The following FSTL5 variants were observed in gnomAD, a reference collection of about 807,000 sequenced individuals.
FSTL5 encodes follistatin like 5.
A neutral mutation model predicts 89.1 loss-of-function variants in FSTL5; 62 were observed. The observed-to-expected ratio is 0.70, with a 90% confidence interval of 0.57 to 0.86. The LOEUF (loss-of-function observed/expected upper bound fraction) is 0.86. FSTL5 is among the 40% of genes least tolerant of loss of function. FSTL5 has a pLI of 0.00. For missense variants in FSTL5, 1,057 were observed against 1,001.6 expected, an observed-to-expected ratio of 1.06 and a Z score of -0.75; for synonymous variants, 383 against 346.2, an observed-to-expected ratio of 1.11 and a Z score of -1.18.
intron 3 of FSTL5, among the ~76,000 whole-genome samples, chr4:162,012,288 C>T (rs141729752): frequency 1.3e-3 from 197 of 152,256 alleles, no homozygotes; most frequent in African/African-American, 4.5e-3. Context: ...GAGGAACATG[C>T]TACCACAGAA....
intron 3 of FSTL5, among the ~76,000 whole-genome samples, chr4:161,971,853 T>C (rs983982985): frequency 2.6e-5 from 4 of 152,188 alleles, no homozygotes; most frequent in Non-Finnish European, 5.9e-5. Flanking sequence ...TTGTAGGGTA[T>C]TGAAATTATT....
chr4:162,006,775 T>C (rs529932926), intron 3 of FSTL5, among the ~76,000 whole-genome samples: 3 of 152,038 alleles, frequency 2.0e-5, no homozygotes, highest in Admixed American at 1.3e-4. Flanking sequence ...CTATTCAACA[T>C]CACGAAGAAA....
intron 4 of FSTL5, among the ~76,000 whole-genome samples, chr4:161,784,108 G>C (rs1443687011): frequency 6.6e-6 from 1 of 151,588 alleles, no homozygotes; most frequent in Non-Finnish European, 1.5e-5. Context: ...GCTAATTTTT[G>C]TCTTTTTAAT....
intron 4 of FSTL5, among the ~76,000 whole-genome samples, chr4:161,906,792 T>G (rs1733541747): frequency 6.6e-6 from 1 of 152,200 alleles, no homozygotes; most frequent in Non-Finnish European, 1.5e-5. Flanking sequence ...TATTTATTTT[T>G]TGTTCCTGTT....
intron 7 of FSTL5, among the ~76,000 whole-genome samples, chr4:161,602,236 T>TGAGAGAGAGGGAGAGAAAGAGAGAGA (rs1734271400): frequency 1.4e-4 from 8 of 57,528 alleles, no homozygotes; most frequent in Non-Finnish European, 2.8e-4. Flanking sequence ...AGTGAGAGAG[T>TGAGAGAGAGGGAGAGAAAGAGAGAGA]GAGAGAGAGG....
chr4:161,619,707 G>A (rs565855180), intron 7 of FSTL5, among the ~76,000 whole-genome samples: 1 of 152,190 alleles, frequency 6.6e-6, no homozygotes, highest in African/African-American at 2.4e-5. Flanking sequence ...TGGAGAGGAT[G>A]TGGAGAAATA....
At chr4:161,721,722 C>T (rs1739225738) in intron 6 of FSTL5, among the ~76,000 whole-genome samples, 1 of 152,036 alleles carries the variant, frequency 6.6e-6, no homozygotes, top group African/African-American at 2.4e-5. Flanking sequence ...AGTCACACTG[C>T]GTCAGAAAAA....
intron 3 of FSTL5, among the ~76,000 whole-genome samples, chr4:161,969,239 G>T (rs975928319): frequency 6.6e-6 from 1 of 151,898 alleles, no homozygotes; most frequent in Admixed American, 6.6e-5. Context: ...AGACAAGTAC[G>T]TTTAATTCAT....
chr4:161,655,809 T>A (rs1736495262), intron 7 of FSTL5, among the ~76,000 whole-genome samples: 1 of 152,144 alleles, frequency 6.6e-6, no homozygotes, highest in African/African-American at 2.4e-5. Context: ...ATATAAATAT[T>A]ATATTTTCAT....
chr4:161,726,221 C>CTTTTTTTT (rs1260115105), intron 6 of FSTL5, among the ~76,000 whole-genome samples: 1 of 69,234 alleles, frequency 1.4e-5, no homozygotes, highest in African/African-American at 4.1e-5. Context: ...TTTCTTTTTT[C>CTTTTTTTT]TTTTTCTTTT....
chr4:161,879,798 G>A (rs1391666789), intron 4 of FSTL5, among the ~76,000 whole-genome samples: 5 of 152,064 alleles, frequency 3.3e-5, no homozygotes, highest in Non-Finnish European at 7.4e-5. Flanking sequence ...CTCCAACCCT[G>A]GGACACTTCC....
At chr4:161,848,787 G>GA (rs1731458659) in intron 4 of FSTL5, among the ~76,000 whole-genome samples, 1 of 152,156 alleles carries the variant, frequency 6.6e-6, no homozygotes, top group South Asian at 2.1e-4. Context: ...AGAGGGAAAA[G>GA]AGTCTTGACA....
At chr4:161,448,110 G>A (rs890683706) in intron 15 of FSTL5, among the ~76,000 whole-genome samples, 55 of 152,184 alleles carry the variant, frequency 3.6e-4, no homozygotes, top group African/African-American at 1.3e-3. Flanking sequence ...TGTAGACAGA[G>A]TTGGCTTCCT....
At chr4:162,061,251 G>T (rs1484696628) in intron 2 of FSTL5, among the ~76,000 whole-genome samples, 1 of 151,898 alleles carries the variant, frequency 6.6e-6, no homozygotes, top group Non-Finnish European at 1.5e-5. Context: ...ATGTAAAGAC[G>T]GTCACTTCCC....
At chr4:161,669,633 AAACT>A (rs1284190940) in intron 6 of FSTL5, among the ~76,000 whole-genome samples, 3 of 152,200 alleles carry the variant, frequency 2.0e-5, no homozygotes, top group African/African-American at 7.2e-5. Context: ...ACATTCAGAG[AAACT>A]AACTAAAAGT....
At chr4:161,556,148 G>C (rs1732383364) in intron 8 of FSTL5, among the ~76,000 whole-genome samples, 1 of 151,438 alleles carries the variant, frequency 6.6e-6, no homozygotes, top group Non-Finnish European at 1.5e-5. Flanking sequence ...CACCTTCTCA[G>C]CTCTTTTTTT....
chr4:162,105,401 A>G (rs1348309876), intron 2 of FSTL5, among the ~76,000 whole-genome samples: 1 of 152,206 alleles, frequency 6.6e-6, no homozygotes, highest in Non-Finnish European at 1.5e-5. Flanking sequence ...TGACTAAGAA[A>G]GCATTTTTGC....
chr4:161,662,482 GT>G (rs1736751268), intron 6 of FSTL5, among the ~76,000 whole-genome samples: 1 of 152,020 alleles, frequency 6.6e-6, no homozygotes, highest in African/African-American at 2.4e-5. Context: ...AATTATAAAA[GT>G]AAAAGCTATA....
intron 13 of FSTL5, among the ~76,000 whole-genome samples, chr4:161,459,697 T>C (rs1469579300): frequency 6.6e-6 from 1 of 152,022 alleles, no homozygotes; most frequent in Non-Finnish European, 1.5e-5. Flanking sequence ...ATATTCATTT[T>C]AATTAAGTGT....
Sources: gnomAD v4.1 joint callset for allele counts (sites outside exome capture counted in the v4.1 genomes callset) on GRCh38, gnomAD v4.1.1 for gene constraint, MANE v1.5 for transcripts, NCBI Gene and HGNC (gene_info 2026-07-23, HGNC 2026-07-21) for gene names.